Variants in WWOX observed in about 807,000 individuals in gnomAD.
WWOX encodes the protein WW domain-containing oxidoreductase.
In WWOX, 69 loss-of-function variants were observed where a neutral mutation model predicts 46.2. That is an observed-to-expected ratio of 1.49 (90% CI 1.23 to 1.82). The LOEUF is 1.82. Ranked by LOEUF, WWOX falls within the 40% of genes most tolerant of loss-of-function variation. WWOX has a pLI of 0.00. For missense variants in WWOX, 919 were observed against 542.6 expected, an observed-to-expected ratio of 1.69 and a Z score of -6.89; for synonymous variants, 359 against 202.6, an observed-to-expected ratio of 1.77 and a Z score of -6.56.
chr16:78,734,931 T>A (rs1239467176), intron 8 of WWOX, among the ~76,000 whole-genome samples: 1 of 128,446 alleles, frequency 7.8e-6, no homozygotes, highest in Non-Finnish European at 1.6e-5. Context: ...AGTGACGCAA[T>A]CTCAGCTCAC....
At chr16:79,084,814 CAT>C (rs1424319926) in intron 8 of WWOX, among the ~76,000 whole-genome samples, 3 of 152,190 alleles carry the variant, frequency 2.0e-5, no homozygotes, top group African/African-American at 7.2e-5. Context: ...GTGGAAGTGA[CAT>C]AAAGTAGGAC....
intron 5 of WWOX, among the ~76,000 whole-genome samples, chr16:78,178,413 C>T (rs1429658999): frequency 1.3e-5 from 2 of 152,216 alleles, no homozygotes; most frequent in African/African-American, 2.4e-5. Context: ...CAGGCTGCTA[C>T]GCTTTTATTC....
chr16:78,251,309 G>A (rs2037978249), intron 5 of WWOX, among the ~76,000 whole-genome samples: 1 of 152,180 alleles, frequency 6.6e-6, no homozygotes. Flanking sequence ...AACAGAAGGT[G>A]CTCAATAAAT....
rs989749683 is a variant in WWOX, at chr16:78,249,731, A to G, written c.516+85442A>G. 6.0e-5 allele frequency among the ~76,000 whole-genome samples: 9 copies of G among 150,776 alleles called. 1 individual carries two copies. Among genetic ancestry groups the G allele is most frequent in the Admixed American group, 2.0e-4 (3 of 15,048 alleles). ...CAACATTTCGGACTTGATTTTTTGT[A>G]TTTATATGGCCCCTTTCTTCCCAAG... On this transcript the variant is annotated intron_variant, in intron 5 of 8. Coordinates refer to ENST00000566780, the MANE Select transcript of WWOX (RefSeq NM_016373.4).
chr16:78,969,095 T>C (rs1469507601), intron 8 of WWOX, among the ~76,000 whole-genome samples: 1 of 152,056 alleles, frequency 6.6e-6, no homozygotes, highest in South Asian at 2.1e-4. Context: ...CGTATAATTG[T>C]GGGAGGGAGA....
At chr16:78,592,337 T>C (rs1246792275) in intron 8 of WWOX, among the ~76,000 whole-genome samples, 5 of 152,194 alleles carry the variant, frequency 3.3e-5, no homozygotes, top group African/African-American at 7.2e-5. Context: ...TGATAACAAA[T>C]AAACATTCAA....
chr16:78,648,143 A>C (rs1177843432), intron 8 of WWOX, among the ~76,000 whole-genome samples: 1 of 152,198 alleles, frequency 6.6e-6, no homozygotes, highest in Non-Finnish European at 1.5e-5. Context: ...AGGTGACTGA[A>C]TACATTACCA....
intron 4 of WWOX, among the ~76,000 whole-genome samples, chr16:78,147,060 C>G (rs1007266354): frequency 6.6e-6 from 1 of 151,912 alleles, no homozygotes; most frequent in African/African-American, 2.4e-5. Flanking sequence ...CAAACACACA[C>G]AAGCCACTGT....
chr16:78,741,700 C>G (rs112309923), intron 8 of WWOX, among the ~76,000 whole-genome samples: 1 of 151,872 alleles, frequency 6.6e-6, no homozygotes, highest in Non-Finnish European at 1.5e-5. Flanking sequence ...ACTAAAAATA[C>G]AGAAATCAGT....
intron 5 of WWOX, among the ~76,000 whole-genome samples, chr16:78,238,608 T>C (rs1368409949): frequency 2.0e-5 from 3 of 151,962 alleles, no homozygotes; most frequent in Non-Finnish European, 4.4e-5. Flanking sequence ...ATGCAGTATA[T>C]GTGCTAAATT....
At chr16:79,075,216 C>T (rs1268716483) in intron 8 of WWOX, among the ~76,000 whole-genome samples, 1 of 152,206 alleles carries the variant, frequency 6.6e-6, no homozygotes, top group African/African-American at 2.4e-5. Flanking sequence ...GGTGGTTCTG[C>T]TCAGCCCTAA....
intron 6 of WWOX, among the ~76,000 whole-genome samples, chr16:78,400,218 C>G (rs1051881473): frequency 1.3e-5 from 2 of 152,080 alleles, no homozygotes; most frequent in African/African-American, 4.8e-5. Context: ...TAATTTATAA[C>G]CAAAAACAGG....
At chr16:78,872,179 G>C (rs1038940987) in intron 8 of WWOX, among the ~76,000 whole-genome samples, 3 of 152,172 alleles carry the variant, frequency 2.0e-5, no homozygotes, top group Non-Finnish European at 4.4e-5. Flanking sequence ...ATGTCTAACA[G>C]TGCAACCCAT....
chr16:79,134,089 G>C (rs2049936095), intron 8 of WWOX, among the ~76,000 whole-genome samples: 1 of 151,852 alleles, frequency 6.6e-6, no homozygotes, highest in Non-Finnish European at 1.5e-5. Context: ...GAATGGGCCT[G>C]TGTTTTTTTT....
At chr16:78,865,699 G>A (rs2043988602) in intron 8 of WWOX, among the ~76,000 whole-genome samples, 1 of 152,124 alleles carries the variant, frequency 6.6e-6, no homozygotes, top group African/African-American at 2.4e-5. Flanking sequence ...GGCCAACATG[G>A]TGAAACCCCA....
chr16:78,939,610 T>G (rs2045811341), intron 8 of WWOX, among the ~76,000 whole-genome samples: 1 of 152,244 alleles, frequency 6.6e-6, no homozygotes, highest in Non-Finnish European at 1.5e-5. Context: ...AATGCCATTT[T>G]ATCACATGGT....
chr16:78,540,437 T>C (rs1408368058), intron 8 of WWOX, among the ~76,000 whole-genome samples: 2 of 152,194 alleles, frequency 1.3e-5, no homozygotes, highest in Non-Finnish European at 2.9e-5. Flanking sequence ...CAAATATACT[T>C]GTCTCTTCTC....
intron 5 of WWOX, among the ~76,000 whole-genome samples, chr16:78,298,057 C>T (rs7200759): frequency 1.3e-5 from 2 of 151,952 alleles, no homozygotes; most frequent in African/African-American, 4.8e-5. Flanking sequence ...CTCTGTACTT[C>T]TCTGTTTCTT....
intron 8 of WWOX, among the ~76,000 whole-genome samples, chr16:79,092,295 G>T (rs1295724268): frequency 6.6e-6 from 1 of 152,150 alleles, no homozygotes; most frequent in Non-Finnish European, 1.5e-5. Context: ...GATAACAGAG[G>T]GGAAGCCTTT....
Sources: allele counts gnomAD v4.1 joint callset (sites outside exome capture counted in the v4.1 genomes callset), GRCh38; gene constraint gnomAD v4.1.1; transcripts MANE v1.5; gene names NCBI Gene and HGNC (gene_info 2026-07-23, HGNC 2026-07-21).